Variants in PTPRG observed in about 807,000 individuals in gnomAD.
The protein encoded by PTPRG is receptor-type tyrosine-protein phosphatase gamma.
Under a neutral mutation model 165.3 loss-of-function variants are expected in PTPRG, and 102 were observed. That is an observed-to-expected ratio of 0.62 (90% CI 0.53 to 0.73). The LOEUF (loss-of-function observed/expected upper bound fraction) is 0.73. Ranked by LOEUF, PTPRG falls within the 30% of genes least tolerant of loss-of-function variation. The pLI, the probability that PTPRG is intolerant of heterozygous loss-of-function variation, is 0.00. For missense variants in PTPRG, 1,866 were observed against 1,861.4 expected, an observed-to-expected ratio of 1.00 and a Z score of -0.05; for synonymous variants, 675 against 669.5, an observed-to-expected ratio of 1.01 and a Z score of -0.13.
At chr3:62,275,839 T>C (rs1033689176) in intron 23 of PTPRG, 34 bp from the exon 24 acceptor site, 211 of 1,500,270 alleles carry the variant, frequency 1.4e-4, no homozygotes, top group Non-Finnish European at 1.7e-4. Context: ...AATTATATCT[T>C]TGAATGAAGA....
At chr3:62,059,003 A>G (rs1279783323) in intron 4 of PTPRG, among the ~76,000 whole-genome samples, 1 of 152,166 alleles carries the variant, frequency 6.6e-6, no homozygotes, top group African/African-American at 2.4e-5. Flanking sequence ...ATGATCATCC[A>G]GTGTCTGGCC....
At chr3:61,781,917 G>C (rs953762052) in intron 2 of PTPRG, among the ~76,000 whole-genome samples, 8 of 146,400 alleles carry the variant, frequency 5.5e-5, no homozygotes, top group Admixed American at 1.4e-4. Flanking sequence ...TTATGGTAGA[G>C]ATGGGATACT....
At chr3:62,212,634 G>C (rs928854434) in intron 12 of PTPRG, among the ~76,000 whole-genome samples, 1 of 152,190 alleles carries the variant, frequency 6.6e-6, no homozygotes, top group Non-Finnish European at 1.5e-5. Context: ...GGAGTTGGGA[G>C]TGAGGAAAGC....
chr3:62,111,275 C>T (rs762038036), intron 5 of PTPRG, among the ~76,000 whole-genome samples: 24 of 152,292 alleles, frequency 1.6e-4, no homozygotes, highest in South Asian at 2.1e-4. Context: ...CTGGAATCCA[C>T]GAGGCCAGCC....
intron 10 of PTPRG, 131 bp from the exon 11 acceptor site, chr3:62,201,373 TG>T (rs781673597): frequency 5.8e-4 from 416 of 717,990 alleles, no homozygotes; most frequent in Non-Finnish European, 8.3e-4. Context: ...TTTAAATGGT[TG>T]GAAAAAATCT....
chr3:61,883,709 T>C (rs1428781781), intron 2 of PTPRG, among the ~76,000 whole-genome samples: 1 of 152,138 alleles, frequency 6.6e-6, no homozygotes, highest in East Asian at 1.9e-4. Flanking sequence ...CGCTCTTTTT[T>C]TGGAAGGCAG....
intron 4 of PTPRG, among the ~76,000 whole-genome samples, chr3:62,021,594 A>G (rs184458929): frequency 3.2e-4 from 48 of 152,326 alleles, no homozygotes; most frequent in Admixed American, 2.6e-3. Flanking sequence ...TAAATCCAGA[A>G]TGTTTCATCT....
chr3:61,738,311 T>TAC lies in PTPRG; in HGVS notation c.86-10565_86-10564dup, dbSNP rs35247462. The stretch of plus-strand genomic sequence containing the variant: ...ATATATATATATATATATATATATA[T>TAC]ACATATATATATATATATATATATA... On this transcript the variant is annotated intron_variant, in intron 1 of 29. Transcript: ENST00000474889. Among the ~76,000 whole-genome samples, 9 of 81,476 alleles carry TAC rather than the reference T, an allele frequency of 1.1e-4. 1 individual carries two copies. The highest frequency in any genetic ancestry group is 5.1e-4 in the African/African-American group (9 of 17,642). 53.5% of individuals were successfully genotyped at this position (81,476 alleles called of 152,430 possible). A position where few individuals can be genotyped will look rare whatever the true frequency, so the allele number is the denominator to read the frequency against.
chr3:61,944,342 A>T (rs1398639115), intron 2 of PTPRG, among the ~76,000 whole-genome samples: 3 of 152,180 alleles, frequency 2.0e-5, no homozygotes, highest in Non-Finnish European at 2.9e-5. Context: ...CTTACAACTG[A>T]TGCCCTCCTG....
At chr3:61,767,861 T>C (rs2034080532) in intron 2 of PTPRG, among the ~76,000 whole-genome samples, 3 of 151,238 alleles carry the variant, frequency 2.0e-5, no homozygotes, top group Middle Eastern at 3.4e-3. Flanking sequence ...TTCCAACTAC[T>C]GTGGAGGCTT....
intron 2 of PTPRG, among the ~76,000 whole-genome samples, chr3:61,974,916 G>C (rs975671546): frequency 5.9e-5 from 9 of 152,256 alleles, no homozygotes; most frequent in African/African-American, 2.2e-4. Flanking sequence ...CTTCAGATTT[G>C]CCTAACATCC....
intron 10 of PTPRG, among the ~76,000 whole-genome samples, chr3:62,201,288 C>T (rs796943427): frequency 2.6e-5 from 4 of 152,158 alleles, no homozygotes; most frequent in South Asian, 4.1e-4. Flanking sequence ...GGGGTCAGCA[C>T]GCTACTACCC....
intron 2 of PTPRG, among the ~76,000 whole-genome samples, chr3:61,799,657 T>A (rs2035173150): frequency 6.6e-6 from 1 of 152,210 alleles, no homozygotes; most frequent in South Asian, 2.1e-4. Flanking sequence ...TCACAACCTA[T>A]CAAAGGTACT....
At chr3:61,931,469 T>G (rs2039359248) in intron 2 of PTPRG, among the ~76,000 whole-genome samples, 2 of 152,178 alleles carry the variant, frequency 1.3e-5, no homozygotes, top group African/African-American at 2.4e-5. Flanking sequence ...CCTTACTAAG[T>G]CATGGCCACG....
intron 1 of PTPRG, among the ~76,000 whole-genome samples, chr3:61,682,989 T>C (rs540716899): frequency 6.6e-6 from 1 of 152,326 alleles, no homozygotes; most frequent in Non-Finnish European, 1.5e-5. Flanking sequence ...TCTCTCTTTC[T>C]TCCTTCCTTA....
chr3:62,206,397 C>T (rs1344641034), intron 12 of PTPRG, among the ~76,000 whole-genome samples: 3 of 152,154 alleles, frequency 2.0e-5, no homozygotes, highest in Non-Finnish European at 2.9e-5. Context: ...CTTATTCACT[C>T]AGGGTCCTCA....
chr3:61,820,631 C>CTTTTTTTTTTTTTTTTTTTTTTTTTTTTT (rs2035925767), intron 2 of PTPRG, among the ~76,000 whole-genome samples: 1 of 50,800 alleles, frequency 2.0e-5, no homozygotes, highest in African/African-American at 9.5e-5. Context: ...TTTTTTTTTA[C>CTTTTTTTTTTTTTTTTTTTTTTTTTTTTT]TGTGGCTTTA....
chr3:62,149,128 T>C (rs7632091), intron 6 of PTPRG, among the ~76,000 whole-genome samples: 41,349 of 152,106 alleles, frequency 0.27, 6,728 homozygotes, highest in African/African-American at 0.46. Context: ...ATTCCCATGC[T>C]GTCATTCCCA....
intron 4 of PTPRG, among the ~76,000 whole-genome samples, chr3:62,044,630 C>A (rs1247953911): frequency 1.3e-5 from 2 of 152,054 alleles, no homozygotes; most frequent in South Asian, 4.1e-4. Flanking sequence ...GCATTTAATA[C>A]ACACAGTAAC....
Sources: allele counts gnomAD v4.1 joint callset (sites outside exome capture counted in the v4.1 genomes callset), GRCh38; gene constraint gnomAD v4.1.1; transcripts MANE v1.5; gene names NCBI Gene and HGNC (gene_info 2026-07-23, HGNC 2026-07-21).